IQGAP3: variants seen among roughly 807,000 people sequenced by gnomAD.
IQGAP3 encodes IQ motif containing GTPase activating protein 3.
Under a neutral mutation model 208.2 loss-of-function variants are expected in IQGAP3, and 165 were observed. The ratio of observed to expected loss-of-function variants is 0.79; its 90% confidence interval spans 0.70 to 0.90. IQGAP3 has a LOEUF of 0.90. Among genes scored for constraint, IQGAP3 ranks in the 40% least tolerant of loss-of-function variants. IQGAP3 has a pLI of 0.00. For missense variants in IQGAP3, 1,811 were observed against 2,043.1 expected (o/e 0.89, Z 2.19); for synonymous variants, 703 against 803.6 (o/e 0.87, Z 2.12).
intron 31 of IQGAP3, among the ~76,000 whole-genome samples, 187 bp downstream of exon 31, chr1:156,533,586 T>C (rs939557987): frequency 6.6e-6 from 1 of 152,168 alleles, no homozygotes; most frequent in African/African-American, 2.4e-5. Flanking sequence ...CCCTCTACTG[T>C]CTGTCTACCT....
At chr1:156,551,913 T>C in intron 14 of IQGAP3, 45 bp from the exon 15 acceptor site, 1 of 1,597,448 alleles carries the variant, frequency 6.3e-7, no homozygotes, top group Non-Finnish European at 8.6e-7. Flanking sequence ...CTAGACTTAA[T>C]GGCTAAGGGA....
chr1:156,550,216 A>G (rs1379912784), intron 16 of IQGAP3, 45 bp downstream of exon 16: 38 of 1,381,924 alleles, frequency 2.7e-5, no homozygotes, highest in Non-Finnish European at 3.6e-5. Context: ...CTGAGCCCAC[A>G]TCACCATCCC....
intron 33 of IQGAP3, 65 bp downstream of exon 33, chr1:156,531,095 C>A: frequency 9.1e-7 from 1 of 1,103,758 alleles, no homozygotes; most frequent in South Asian, 1.2e-5. Context: ...GAAACAGCAG[C>A]GGTGCAGGTG....
chr1:156,572,546 G>A lies in IQGAP3; in HGVS notation c.-17C>T. 1 of 1,612,902 alleles carries A rather than the reference G, an allele frequency of 6.2e-7. No homozygotes were observed. Among genetic ancestry groups the A allele is most frequent in the Non-Finnish European group, 8.5e-7 (1 of 1,179,888 alleles). ...CCTCTCCATGTTCCTCCTTCTTCCA[G>A]GTTTGAATCTCCCGCCGTTGGGCCA... On this transcript the variant is annotated 5_prime_UTR_variant, in exon 1 of 38. Transcript: ENST00000361170.
In IQGAP3 at chr1:156,533,251, C is replaced by A; in HGVS notation, c.3977-145G>T. On this transcript the variant is annotated intron_variant, in intron 31 of 37. Transcript: ENST00000361170. ...CTTCCAGGAAGTTTTCCCACACTGGCCTGCAGAACTACCCTGTGTCCCCAA... is the reference window on the plus strand; with the variant it reads ...CTTCCAGGAAGTTTTCCCACACTGGACTGCAGAACTACCCTGTGTCCCCAA... 6 of 997,950 alleles carry A rather than the reference C, an allele frequency of 6.0e-6. No individual in the cohort carries two copies. The South Asian group carries it at 7.5e-5, about 12-fold the overall frequency. 61.8% of individuals were successfully genotyped at this position (997,950 alleles called of 1,614,324 possible).
At chr1:156,527,341 G>A (rs759007136) in intron 37 of IQGAP3, among the ~76,000 whole-genome samples, 147 of 151,922 alleles carry the variant, frequency 9.7e-4, no homozygotes, top group Non-Finnish European at 1.5e-3. Flanking sequence ...AAGCCGGTGT[G>A]GTGGCGCACG....
At chr1:156,567,794 A>C (rs1175150185) in intron 2 of IQGAP3, among the ~76,000 whole-genome samples, 1 of 152,234 alleles carries the variant, frequency 6.6e-6, no homozygotes, top group Non-Finnish European at 1.5e-5. Context: ...GTACAGATTG[A>C]CTTTTAGAGT....
chr1:156,566,208 G>T, intron 3 of IQGAP3, 104 bp from the exon 4 acceptor site: 2 of 1,243,136 alleles, frequency 1.6e-6, no homozygotes, highest in South Asian at 1.3e-5. Flanking sequence ...GGGCAGAGGG[G>T]AACCAGAGGA....
At position 156,527,966 on chromosome 1, in the gene IQGAP3, G is replaced by A; in HGVS notation, c.4768C>T (p.Gln1590Ter). The change falls in exon 37 of 38, where the codon CAG (glutamine) becomes TAG (stop). Residue 1590 changes from glutamine (Q) to a stop codon, truncating the protein, a stop_gained. Transcript: ENST00000361170. LOFTEE classifies it high-confidence loss of function. Reference sequence around the variant, plus strand: ...TGTCCCCTCACCTGATAGTGAAGCTGAAATCGCTCCATGTCCACACCCAGG... The same window carrying A: ...TGTCCCCTCACCTGATAGTGAAGCTAAAATCGCTCCATGTCCACACCCAGG... ...KFLGVDMERF[Q>*]LHYQDLLQLQ... is the part of the protein sequence containing the mutation. 6.2e-7 allele frequency: 1 copy of A among 1,612,800 alleles called. No individual in the cohort carries two copies.
intron 33 of IQGAP3, among the ~76,000 whole-genome samples, chr1:156,530,680 G>A (rs1674350454): frequency 1.3e-5 from 2 of 152,142 alleles, no homozygotes; most frequent in African/African-American, 2.4e-5. Context: ...ATGTTTGGGG[G>A]CATTTACCTG....
At chr1:156,527,836 G>A (rs1674175272) in intron 37 of IQGAP3, 116 bp downstream of exon 37, 1 of 682,752 alleles carries the variant, frequency 1.5e-6, no homozygotes, top group Non-Finnish European at 2.6e-6. Flanking sequence ...TACTGATTGG[G>A]TGAAAAACTG....
rs560282988 is a variant in IQGAP3, at chr1:156,551,631, A to C, written c.1734+74T>G. ...GTGTCCATCAGAATAGAGCTCTGCCAGACTGGGTACAGTGCAACCCACAGA... is the reference window on the plus strand; with the variant it reads ...GTGTCCATCAGAATAGAGCTCTGCCCGACTGGGTACAGTGCAACCCACAGA... On this transcript the variant is annotated intron_variant, in intron 15 of 37. Coordinates refer to ENST00000361170, the MANE Select transcript of IQGAP3 (RefSeq NM_178229.5). 19 of 1,450,210 alleles carry C rather than the reference A, an allele frequency of 1.3e-5. No homozygotes were observed. The African/African-American group carries it at 2.5e-4, about 19-fold the overall frequency. The allele number at this position is 1,450,210 out of a possible 1,614,324, so 89.8% of individuals were successfully genotyped here.
intron 19 of IQGAP3, among the ~76,000 whole-genome samples, chr1:156,545,886 A>T (rs1675222794): frequency 6.6e-6 from 1 of 152,100 alleles, no homozygotes; most frequent in Non-Finnish European, 1.5e-5. Context: ...TCAGTTTGGT[A>T]AGACTTGGGA....
rs1188704564 is a variant in IQGAP3, at chr1:156,548,540, G to C, written c.1993+41C>G. On this transcript the variant is annotated intron_variant, in intron 17 of 37. Transcript: ENST00000361170. ...GGTTCAGAGCAGGCAAGGGGTGGCT[G>C]GGGCAGGCAGCGAAGAGGAGGGTCA... 4 of 1,599,470 alleles carry C rather than the reference G, an allele frequency of 2.5e-6. No individual in the cohort carries two copies. The African/African-American group carries it at 5.4e-5, about 21-fold the overall frequency.
chr1:156,547,420 C>G lies in IQGAP3; in HGVS notation c.2304+653G>C, dbSNP rs57025980. Among the ~76,000 whole-genome samples the G allele has an allele frequency of 4.9e-3, 726 of 147,728 alleles. 5 individuals are homozygous for G. The highest frequency in any genetic ancestry group is 0.018 in the African/African-American group (697 of 38,804). On this transcript the variant is annotated intron_variant, in intron 19 of 37. Coordinates refer to ENST00000361170, the MANE Select transcript of IQGAP3 (RefSeq NM_178229.5). ...ACACACACACACACACACACACACACACACAGACACACACACATTTTTAGA... is the reference window on the plus strand; with the variant it reads ...ACACACACACACACACACACACACAGACACAGACACACACACATTTTTAGA...
At chr1:156,559,232 G>A (rs933326920) in intron 11 of IQGAP3, among the ~76,000 whole-genome samples, 2 of 152,226 alleles carry the variant, frequency 1.3e-5, no homozygotes, top group Admixed American at 6.5e-5. Flanking sequence ...TTGACAGGTG[G>A]CTATGGAACG....
At chr1:156,551,505 C>G (rs1292973862) in intron 15 of IQGAP3, among the ~76,000 whole-genome samples, 200 bp downstream of exon 15, 1 of 152,192 alleles carries the variant, frequency 6.6e-6, no homozygotes, top group Non-Finnish European at 1.5e-5. Context: ...CTCTGGCTCC[C>G]AGGCCTGTGC....
At chr1:156,535,131 T>G in intron 28 of IQGAP3, 32 bp downstream of exon 28, 2 of 1,473,364 alleles carry the variant, frequency 1.4e-6, no homozygotes, top group Non-Finnish European at 9.5e-7. Flanking sequence ...AAAGGAGGGA[T>G]TGGGAGGTGG....
chr1:156,568,872 A>G (rs1327078146), intron 2 of IQGAP3, among the ~76,000 whole-genome samples: 2 of 141,080 alleles, frequency 1.4e-5, no homozygotes, highest in East Asian at 2.1e-4. Context: ...GAAAAGAAAT[A>G]GAGACAAAAT....
Sources: gnomAD v4.1 joint callset for allele counts (sites outside exome capture counted in the v4.1 genomes callset) on GRCh38, gnomAD v4.1.1 for gene constraint, MANE v1.5 for transcripts, NCBI Gene and HGNC (gene_info 2026-07-23, HGNC 2026-07-21) for gene names.